Variants in GRIN2D observed in about 807,000 individuals in gnomAD.
GRIN2D encodes glutamate receptor ionotropic, NMDA 2D.
GRIN2D carries 37 observed loss-of-function variants against 103.2 expected under a neutral mutation model. That is an observed-to-expected ratio of 0.36 (90% CI 0.28 to 0.47). The LOEUF is 0.47. GRIN2D is among the 20% of genes least tolerant of loss of function. The probability of loss-of-function intolerance (pLI) is 1.00; values close to 1 mark genes in which losing one functional copy is unlikely to be tolerated. For missense variants in GRIN2D, 1,557 were observed against 1,910.6 expected (o/e 0.81, Z 3.45); for synonymous variants, 845 against 885.6 (o/e 0.95, Z 0.81).
chr19:48,416,681 C>A (rs548648241), intron 8 of GRIN2D, among the ~76,000 whole-genome samples: 52 of 151,726 alleles, frequency 3.4e-4, no homozygotes, highest in South Asian at 2.3e-3. Flanking sequence ...AATCCCTGTC[C>A]AGTAGGATCT....
Position 48,443,349 on chromosome 19 carries a change from T to G in GRIN2D, c.3423T>G (p.Tyr1141Ter). ...GGTTCGCCGACTTCCCTTACCCGTA[T>G]GCCGAGCGCCTCGGGCCGCCGCCCG... is the stretch of plus-strand genomic sequence containing the variant. ...PWWFADFPYP[Y>*]AERLGPPPGR... Residue 1141 changes from tyrosine (Y) to a stop codon, truncating the protein, a stop_gained, in exon 14 of 14, where the codon TAT (tyrosine) becomes TAG (stop). Transcript: ENST00000263269. LOFTEE classifies it high-confidence loss of function. The surrounding 1 kb of genome is among the most constrained non-coding windows in gnomAD (Gnocchi z 8.9). The G allele has an allele frequency of 6.6e-7, 1 of 1,516,534 alleles. No homozygotes were observed. The highest frequency in any genetic ancestry group is 8.8e-7 in the Non-Finnish European group (1 of 1,141,632). The allele number at this position is 1,516,534 out of a possible 1,614,324, so 93.9% of individuals were successfully genotyped here.
In GRIN2D at chr19:48,441,362, CAAA is replaced by C. The variant is rs1173219939; in HGVS notation, c.2253-386_2253-384del. Among the ~76,000 whole-genome samples, 316 of 127,278 alleles carry C rather than the reference CAAA, an allele frequency of 2.5e-3. 1 individual carries two copies. Among genetic ancestry groups the C allele is most frequent in the African/African-American group, 9.5e-3 (291 of 30,498 alleles). 83.5% of individuals were successfully genotyped at this position (127,278 alleles called of 152,430 possible). ...TGGGTGACAGAGTGAGACTCTGTCT[CAAA>C]AAAAAAAAAAAAAAAAAAAAGAAAG... On this transcript the variant is annotated intron_variant, in intron 11 of 13. Coordinates refer to ENST00000263269, the MANE Select transcript of GRIN2D (RefSeq NM_000836.4).
chr19:48,428,886 G>A (rs570902235), intron 11 of GRIN2D, among the ~76,000 whole-genome samples: 1 of 152,272 alleles, frequency 6.6e-6, no homozygotes, highest in South Asian at 2.1e-4. Flanking sequence ...AACATGAGGA[G>A]CAGCAAGCTT....
chr19:48,437,826 C>T (rs1211747096), intron 11 of GRIN2D, among the ~76,000 whole-genome samples: 1 of 152,188 alleles, frequency 6.6e-6, no homozygotes, highest in African/African-American at 2.4e-5. Context: ...GCAGAAGTGC[C>T]TGCAGGCAGT....
chr19:48,440,791 A>G (rs1437398926), intron 11 of GRIN2D, among the ~76,000 whole-genome samples: 1 of 152,162 alleles, frequency 6.6e-6, no homozygotes, highest in Non-Finnish European at 1.5e-5. Context: ...GGTTCAAGCA[A>G]TTCTCCTGCC....
intron 11 of GRIN2D, among the ~76,000 whole-genome samples, chr19:48,425,931 C>G (rs1255246179): frequency 6.6e-6 from 1 of 152,098 alleles, no homozygotes; most frequent in Non-Finnish European, 1.5e-5. Context: ...TAAAGCTTCC[C>G]CTGCCCCTCC....
intron 11 of GRIN2D, among the ~76,000 whole-genome samples, chr19:48,433,891 C>G (rs530850062): frequency 2.3e-4 from 35 of 152,034 alleles, no homozygotes; most frequent in Admixed American, 2.0e-3. Context: ...GCTCCAGTGT[C>G]TGGGCCATGG....
chr19:48,396,784 G>A (rs565693243), intron 2 of GRIN2D, among the ~76,000 whole-genome samples: 2 of 152,040 alleles, frequency 1.3e-5, no homozygotes, highest in Non-Finnish European at 2.9e-5. Context: ...CCCCGCCCTG[G>A]CTGTCTGTGG....
Position 48,421,673 on chromosome 19 carries a change from A to C in GRIN2D, c.2092-112A>C. The C allele has an allele frequency of 1.2e-6, 1 of 817,062 alleles. No homozygotes were observed. Among genetic ancestry groups the C allele is most frequent in the East Asian group, 2.5e-5 (1 of 39,524 alleles). 50.6% of individuals were successfully genotyped at this position (817,062 alleles called of 1,614,324 possible). ...GTGAGCGAGTGTTGAGAAATATTGAACACTCCTGGGACTGGGGTGTCTGCC... is the reference window on the plus strand; with the variant it reads ...GTGAGCGAGTGTTGAGAAATATTGACCACTCCTGGGACTGGGGTGTCTGCC... On this transcript the variant is annotated intron_variant, in intron 10 of 13. Transcript: ENST00000263269. This position sits in a 1 kb window ranked among gnomAD's most constrained non-coding sequence, Gnocchi z 4.8.
At chr19:48,417,043 A>G (rs1286130708) in intron 8 of GRIN2D, among the ~76,000 whole-genome samples, 1 of 152,058 alleles carries the variant, frequency 6.6e-6, no homozygotes, top group Non-Finnish European at 1.5e-5. Context: ...CTGCACCCGG[A>G]CAAGGGTTTT....
rs1971348933 is a variant in GRIN2D, at chr19:48,444,055, C to CA, written c.*118_*119insA. On this transcript the variant is annotated 3_prime_UTR_variant, in exon 14 of 14. Coordinates refer to ENST00000263269, the MANE Select transcript of GRIN2D (RefSeq NM_000836.4). The surrounding 1 kb of genome is among the most constrained non-coding windows in gnomAD (Gnocchi z 5.5). ...GGAAAGCAGTGGAACTGGCCGGACCCCGCCTGGAGCAGCGTCCTGCGCCCC... is the reference window on the plus strand; with the variant it reads ...GGAAAGCAGTGGAACTGGCCGGACCCACGCCTGGAGCAGCGTCCTGCGCCCC... 1.6e-6 allele frequency: 1 copy of CA among 634,728 alleles called. No individual in the cohort carries two copies. The highest frequency in any genetic ancestry group is 1.9e-5 in the African/African-American group (1 of 52,114). 39.3% of individuals were successfully genotyped at this position (634,728 alleles called of 1,614,324 possible).
At chr19:48,415,870 C>T in intron 7 of GRIN2D, 132 bp from the exon 8 acceptor site, 2 of 749,890 alleles carry the variant, frequency 2.7e-6, no homozygotes, top group Non-Finnish European at 4.7e-6. Flanking sequence ...TCACCCACCT[C>T]GCAATCCCTC....
At chr19:48,407,496 T>G (rs1970806608) in intron 4 of GRIN2D, among the ~76,000 whole-genome samples, 1 of 152,212 alleles carries the variant, frequency 6.6e-6, no homozygotes, top group Admixed American at 6.6e-5. Context: ...TGTATTAGCC[T>G]CAGTCTGCCT....
At chr19:48,396,754 G>A (rs1342332398) in intron 2 of GRIN2D, among the ~76,000 whole-genome samples, 4 of 152,058 alleles carry the variant, frequency 2.6e-5, no homozygotes, top group African/African-American at 9.7e-5. Flanking sequence ...TCGAGGCAGG[G>A]GAGGGGTGGT....
In GRIN2D at chr19:48,404,238, CT is replaced by C. The variant is rs1970753525; in HGVS notation, c.466-495del. On this transcript the variant is annotated intron_variant, in intron 3 of 13. Coordinates refer to ENST00000263269, the MANE Select transcript of GRIN2D (RefSeq NM_000836.4). ...CTGGGCAACAAGAGTGAAATTCCATCTCAAAAAAAAAAAAAAAAAATCCAAA... is the reference window on the plus strand; with the variant it reads ...CTGGGCAACAAGAGTGAAATTCCATCCAAAAAAAAAAAAAAAAAATCCAAA... 2.5e-5 allele frequency among the ~76,000 whole-genome samples: 3 copies of C among 121,324 alleles called. No individual in the cohort carries two copies. The South Asian group carries it at 8.1e-4, about 33-fold the overall frequency. 79.6% of individuals were successfully genotyped at this position (121,324 alleles called of 152,430 possible).
chr19:48,399,435 G>C (rs1036367418), intron 3 of GRIN2D, among the ~76,000 whole-genome samples: 4 of 152,196 alleles, frequency 2.6e-5, no homozygotes, highest in Non-Finnish European at 5.9e-5. Context: ...GGGCGTTGTG[G>C]CGGGCGCCTG....
Position 48,415,022 on chromosome 19 carries a change from T to A in GRIN2D, c.1571T>A (p.Met524Lys). Reference sequence around the variant, plus strand: ...AAGATCGATGGCGTCTGGAACGGCATGATCGGGGAGGTGAGGGGGCGGACG... The same window carrying A: ...AAGATCGATGGCGTCTGGAACGGCAAGATCGGGGAGGTGAGGGGGCGGACG... ...GKKIDGVWNG[M>K]IGEVFYQRAD... The change falls in exon 7 of 14, where the codon ATG (methionine) becomes AAG (lysine). Residue 524 changes from methionine to lysine, a missense_variant. By Grantham distance (95) the Met-to-Lys change is moderately conservative. Coordinates refer to ENST00000263269, the MANE Select transcript of GRIN2D (RefSeq NM_000836.4). The A allele has an allele frequency of 6.3e-7, 1 of 1,589,820 alleles. No homozygotes were observed. The highest frequency in any genetic ancestry group is 8.6e-7 in the Non-Finnish European group (1 of 1,164,184).
Position 48,413,982 on chromosome 19 carries a change from C to T in GRIN2D, c.1086-9C>T, listed in dbSNP as rs188346258. 68 of 1,533,824 alleles carry T rather than the reference C, an allele frequency of 4.4e-5. No homozygotes were observed. In the Admixed American group the frequency reaches 1.1e-3, roughly 26 times the overall value. On this transcript the variant is annotated splice_polypyrimidine_tract_variant and intron_variant, in intron 4 of 13. Coordinates refer to ENST00000263269, the MANE Select transcript of GRIN2D (RefSeq NM_000836.4). ...CCCCAGCATGTCCCCTTTCCCTCCT[C>T]CTGGGCAGGTACTTCATGAACATCA... is the stretch of plus-strand genomic sequence containing the variant.
chr19:48,444,209 T>C lies in GRIN2D; in HGVS notation c.*272T>C. On this transcript the variant is annotated 3_prime_UTR_variant, in exon 14 of 14. Coordinates refer to ENST00000263269, the MANE Select transcript of GRIN2D (RefSeq NM_000836.4). This position sits in a 1 kb window ranked among gnomAD's most constrained non-coding sequence, Gnocchi z 5.5. Reference sequence around the variant, plus strand: ...TAAACCCGACAAGGGCTTTTTAACGTCACCAGATGGGGCGGGAGGTGGGGG... The same window carrying C: ...TAAACCCGACAAGGGCTTTTTAACGCCACCAGATGGGGCGGGAGGTGGGGG... 3.4e-6 allele frequency: 1 copy of C among 290,994 alleles called. No individual in the cohort carries two copies. The allele number at this position is 290,994 out of a possible 1,614,324, so 18.0% of individuals were successfully genotyped here.
Sources: gnomAD v4.1 joint callset for allele counts (sites outside exome capture counted in the v4.1 genomes callset) on GRCh38, gnomAD v4.1.1 for gene constraint, Gnocchi (gnomAD v3.1) non-coding constraint, MANE v1.5 for transcripts, NCBI Gene and HGNC (gene_info 2026-07-23, HGNC 2026-07-21) for gene names.